Variants in AUTS2 observed in about 807,000 individuals in gnomAD.
AUTS2 encodes the protein autism susceptibility gene 2 protein.
Under a neutral mutation model 112.4 loss-of-function variants are expected in AUTS2, and 17 were observed. The observed-to-expected ratio is 0.15, with a 90% CI of 0.10 to 0.23. The LOEUF (loss-of-function observed/expected upper bound fraction) is 0.23, where lower values mean the gene tolerates loss of function less well. Ranked by LOEUF, AUTS2 falls within the 10% of genes least tolerant of loss-of-function variation. AUTS2 has a pLI of 1.00. For synonymous variants in AUTS2, 751 were observed against 702.7 expected (o/e 1.07, Z -1.09); for missense variants, 1,510 against 1,701.6 (o/e 0.89, Z 1.98).
intron 2 of AUTS2, among the ~76,000 whole-genome samples, chr7:69,998,824 G>GT (rs1244278467): frequency 1.3e-5 from 2 of 152,144 alleles, no homozygotes; most frequent in African/African-American, 4.8e-5. Context: ...TTGGGGAATG[G>GT]TAAAATTTTT....
At position 70,646,449 on chromosome 7, in the gene AUTS2, A is replaced by G. The variant is rs550345783; in HGVS notation, c.691-52120A>G. Among the ~76,000 whole-genome samples, 8 of 152,288 alleles carry G rather than the reference A, an allele frequency of 5.3e-5. No individual in the cohort carries two copies. In the South Asian group the frequency reaches 1.7e-3, roughly 32 times the overall value. ...AGCCGTCAAGCGTGCATCTCACTTA[A>G]TAGGTCACCTGGACGGTCCCAAGTC... On this transcript the variant is annotated intron_variant, in intron 5 of 18. Coordinates refer to ENST00000342771, the MANE Select transcript of AUTS2 (RefSeq NM_015570.4).
At chr7:70,600,180 T>C (rs1431971870) in intron 5 of AUTS2, among the ~76,000 whole-genome samples, 1 of 152,240 alleles carries the variant, frequency 6.6e-6, no homozygotes, top group Non-Finnish European at 1.5e-5. Flanking sequence ...CTAATTGTTA[T>C]TGAAATGATT....
intron 5 of AUTS2, among the ~76,000 whole-genome samples, chr7:70,590,648 A>G (rs1273368496): frequency 1.3e-5 from 2 of 152,172 alleles, no homozygotes; most frequent in Non-Finnish European, 1.5e-5. Context: ...AATCGTAAAT[A>G]CACTAAAAGC....
At chr7:70,465,222 T>C (rs2115703948) in intron 5 of AUTS2, among the ~76,000 whole-genome samples, 1 of 152,288 alleles carries the variant, frequency 6.6e-6, no homozygotes, top group Admixed American at 6.5e-5. Context: ...GAAAGCAGGT[T>C]GGAGGAACCA....
chr7:70,219,662 C>G (rs1811370571), intron 4 of AUTS2, among the ~76,000 whole-genome samples: 3 of 151,382 alleles, frequency 2.0e-5, no homozygotes, highest in African/African-American at 7.3e-5. Context: ...GCCTCTGCCT[C>G]CCGGGTTCAA....
intron 4 of AUTS2, among the ~76,000 whole-genome samples, chr7:70,322,166 T>G (rs952933642): frequency 6.6e-5 from 10 of 152,144 alleles, no homozygotes; most frequent in African/African-American, 9.7e-5. Context: ...ATTTGTGACT[T>G]TTTTTAAAGG....
chr7:70,345,056 A>G (rs1471475951), intron 4 of AUTS2, among the ~76,000 whole-genome samples: 2 of 152,186 alleles, frequency 1.3e-5, no homozygotes, highest in East Asian at 3.8e-4. Flanking sequence ...TAAGCTTCTC[A>G]CTGTATGCTG....
At position 70,466,296 on chromosome 7, in the gene AUTS2, A is replaced by G. The variant is rs370095469; in HGVS notation, c.690+30515A>G. ...GGTACCTAATGATTAATATGAAATA[A>G]TAATTATGTAGTGATTATATCCTTG... is the stretch of plus-strand genomic sequence containing the variant. On this transcript the variant is annotated intron_variant, in intron 5 of 18. Coordinates refer to ENST00000342771, the MANE Select transcript of AUTS2 (RefSeq NM_015570.4). 3.9e-5 allele frequency among the ~76,000 whole-genome samples: 6 copies of G among 152,332 alleles called. No individual in the cohort carries two copies. The East Asian group carries it at 5.8e-4, about 15-fold the overall frequency.
rs1379269065 is a variant in AUTS2, at chr7:70,793,406, C to T, written c.*2410C>T. ...CTCTCTTTTAATTACGTGGTGTAGT[C>T]CTCATCAGTTTGCAGTCTCCCTGTC... On this transcript the variant is annotated 3_prime_UTR_variant, in exon 19 of 19. Coordinates refer to ENST00000342771, the MANE Select transcript of AUTS2 (RefSeq NM_015570.4). 1 of 151,682 alleles carries T rather than the reference C, an allele frequency of 6.6e-6. No individual in the cohort carries two copies. The highest frequency in any genetic ancestry group is 1.5e-5 in the Non-Finnish European group (1 of 67,970). The allele number at this position is 151,682 out of a possible 1,614,324, so 9.4% of individuals were successfully genotyped here. A position where few individuals can be genotyped will look rare whatever the true frequency, so the allele number is the denominator to read the frequency against.
intron 5 of AUTS2, among the ~76,000 whole-genome samples, chr7:70,449,378 G>A (rs1320525806): frequency 6.6e-6 from 1 of 152,204 alleles, no homozygotes; most frequent in East Asian, 1.9e-4. Flanking sequence ...CTCAGGAAAG[G>A]ATTGTGGGTT....
At chr7:70,646,542 A>G (rs1585431944) in intron 5 of AUTS2, among the ~76,000 whole-genome samples, 1 of 152,246 alleles carries the variant, frequency 6.6e-6, no homozygotes, top group Non-Finnish European at 1.5e-5. Context: ...GATGGTGTTT[A>G]GATGGGGATG....
intron 4 of AUTS2, among the ~76,000 whole-genome samples, chr7:70,357,172 G>C (rs1229584682): frequency 1.3e-5 from 2 of 152,158 alleles, no homozygotes; most frequent in African/African-American, 4.8e-5. Context: ...CATTTTGGTG[G>C]TAATGAAGTA....
At chr7:70,310,634 G>A (rs1789704694) in intron 4 of AUTS2, among the ~76,000 whole-genome samples, 1 of 151,094 alleles carries the variant, frequency 6.6e-6, no homozygotes. Context: ...AAAGAAAGAA[G>A]TCAGCTCAGT....
chr7:69,643,321 C>T (rs1794875906), intron 1 of AUTS2: 1 of 153,616 alleles, frequency 6.5e-6, no homozygotes, highest in Non-Finnish European at 1.5e-5. Flanking sequence ...CAGGTCCCTC[C>T]CACGCTCAAG....
intron 5 of AUTS2, among the ~76,000 whole-genome samples, chr7:70,518,937 C>T (rs1461996685): frequency 6.6e-6 from 1 of 152,056 alleles, no homozygotes; most frequent in Non-Finnish European, 1.5e-5. Flanking sequence ...CTCTTGGCCT[C>T]AAGTGATCTG....
At chr7:69,975,647 C>T in intron 2 of AUTS2, among the ~76,000 whole-genome samples, 1 of 151,506 alleles carries the variant, frequency 6.6e-6, no homozygotes, top group South Asian at 2.1e-4. Flanking sequence ...TCTCCTCCAC[C>T]TGGTCTTGAG....
Position 70,784,759 on chromosome 7 carries a change from A to C in AUTS2, c.2147-183A>C, listed in dbSNP as rs1259054037. The C allele has an allele frequency of 1.1e-5, 5 of 441,720 alleles. No homozygotes were observed. In the East Asian group the frequency reaches 1.5e-4, roughly 13 times the overall value. The allele number at this position is 441,720 out of a possible 1,614,324, so 27.4% of individuals were successfully genotyped here. A position where few individuals can be genotyped will look rare whatever the true frequency, so the allele number is the denominator to read the frequency against. ...CTGCTTCCTAAAAAAAAAAAAAAAA[A>C]AAAAAAAAAAAAAACACACATTTTC... is the stretch of plus-strand genomic sequence containing the variant. On this transcript the variant is annotated intron_variant, in intron 15 of 18. Coordinates refer to ENST00000342771, the MANE Select transcript of AUTS2 (RefSeq NM_015570.4).
intron 4 of AUTS2, among the ~76,000 whole-genome samples, chr7:70,394,333 C>T (rs913922869): frequency 6.6e-6 from 1 of 152,170 alleles, no homozygotes; most frequent in African/African-American, 2.4e-5. Context: ...CAGATGAGAA[C>T]ACTGATGCTT....
intron 1 of AUTS2, among the ~76,000 whole-genome samples, chr7:69,817,039 G>A (rs770701947): frequency 6.6e-6 from 1 of 152,162 alleles, no homozygotes; most frequent in Non-Finnish European, 1.5e-5. Flanking sequence ...GAAGGCTGTT[G>A]TGGAGTCCTT....
Sources: allele counts gnomAD v4.1 joint callset (sites outside exome capture counted in the v4.1 genomes callset), GRCh38; gene constraint gnomAD v4.1.1; transcripts MANE v1.5; gene names NCBI Gene and HGNC (gene_info 2026-07-23, HGNC 2026-07-21).